The following LRRC17 variants were observed in gnomAD, a reference collection of about 807,000 sequenced individuals.
The protein encoded by LRRC17 is leucine rich repeat containing 17.
In LRRC17, 33 loss-of-function variants were observed where a neutral mutation model predicts 41.5. The ratio of observed to expected loss-of-function variants is 0.80; its 90% CI spans 0.60 to 1.06. The LOEUF (loss-of-function observed/expected upper bound fraction) is 1.06, where lower values mean the gene tolerates loss of function less well. Ranked by LOEUF, LRRC17 falls within the 50% of genes least tolerant of loss-of-function variation. The probability of loss-of-function intolerance (pLI) is 0.00; values close to 1 mark genes in which losing one functional copy is unlikely to be tolerated. For synonymous variants in LRRC17, 192 were observed against 197.0 expected, an observed-to-expected ratio of 0.97 and a Z score of 0.21; for missense variants, 491 against 519.3, an observed-to-expected ratio of 0.95 and a Z score of 0.53.
rs780492276 is a variant in LRRC17 at position 102,934,086 on chromosome 7, C to T, written c.173C>T (p.Thr58Ile). 49 of 1,614,202 alleles carry T rather than the reference C, an allele frequency of 3.0e-5. No individual in the cohort carries two copies. Among genetic ancestry groups the T allele is most frequent in the Non-Finnish European group, 3.8e-5 (45 of 1,180,012 alleles). Residue 58 changes from threonine to isoleucine, a missense_variant, in exon 2 of 4, where the codon ACA (threonine) becomes ATA (isoleucine). Coordinates refer to ENST00000339431, the MANE Select transcript of LRRC17 (RefSeq NM_001031692.3). ...CCAGGCCTCCCGTGTGACGTGTACA[C>T]ATATCTCCATGAGAAATACTTAGAT... ...YAPGLPCDVY[T>I]YLHEKYLDCQ...
At chr7:102,937,124 A>AC (rs1159214252) in intron 2 of LRRC17, among the ~76,000 whole-genome samples, 40 of 152,214 alleles carry the variant, frequency 2.6e-4, no homozygotes, top group African/African-American at 8.9e-4. Context: ...TAGTATATGT[A>AC]ACACTGGGTC....
In LRRC17 at chr7:102,944,715, A is replaced by C. The variant is rs1822149742; in HGVS notation, c.*108A>C. 12 of 924,336 alleles carry C rather than the reference A, an allele frequency of 1.3e-5. No individual in the cohort carries two copies. Among genetic ancestry groups the C allele is most frequent in the Non-Finnish European group, 1.9e-5 (12 of 632,258 alleles). 57.3% of individuals were successfully genotyped at this position (924,336 alleles called of 1,614,324 possible). On this transcript the variant is annotated 3_prime_UTR_variant, in exon 4 of 4. Coordinates refer to ENST00000339431, the MANE Select transcript of LRRC17 (RefSeq NM_001031692.3). ...GTTGCCTATTTATGCAGGGTAATCC[A>C]GCTAAAGGAAGCTTTCTTTAATTAT...
chr7:102,926,257 A>G (rs753805921), intron 1 of LRRC17: 2 of 1,607,918 alleles, frequency 1.2e-6, no homozygotes, highest in Non-Finnish European at 1.7e-6. Flanking sequence ...GTGTCATACA[A>G]ATAACACAAA....
At chr7:102,930,128 T>G (rs536824818) in intron 1 of LRRC17, among the ~76,000 whole-genome samples, 49 of 152,200 alleles carry the variant, frequency 3.2e-4, no homozygotes, top group African/African-American at 1.2e-3. Flanking sequence ...TGGTTCAGTA[T>G]TGAAATAGAG....
intron 1 of LRRC17, among the ~76,000 whole-genome samples, chr7:102,920,064 A>C (rs562078378): frequency 2.0e-5 from 3 of 152,328 alleles, no homozygotes; most frequent in African/African-American, 7.2e-5. Flanking sequence ...CAGGGGTGTC[A>C]AGTTCAAGGG....
At chr7:102,926,359 G>C (rs1485085886) in intron 1 of LRRC17, 1 of 1,613,440 alleles carries the variant, frequency 6.2e-7, no homozygotes, top group Non-Finnish European at 8.5e-7. Flanking sequence ...TCAGAAATGT[G>C]TCTCATTGAT....
intron 1 of LRRC17, among the ~76,000 whole-genome samples, chr7:102,920,838 A>T (rs1205836797): frequency 6.6e-6 from 1 of 152,222 alleles, no homozygotes. Flanking sequence ...AAGAAAACAA[A>T]GGTTAACTAT....
intron 1 of LRRC17, among the ~76,000 whole-genome samples, chr7:102,917,442 A>T (rs1458774469): frequency 6.6e-6 from 1 of 152,238 alleles, no homozygotes; most frequent in Non-Finnish European, 1.5e-5. Flanking sequence ...TGATCAATAC[A>T]TGGTGAACAA....
chr7:102,929,187 T>C (rs1319969334), intron 1 of LRRC17, among the ~76,000 whole-genome samples: 2 of 152,188 alleles, frequency 1.3e-5, no homozygotes, highest in Non-Finnish European at 2.9e-5. Flanking sequence ...ATGCCTTCCA[T>C]GTTTTGAAAA....
At chr7:102,939,629 T>C (rs749420694) in intron 3 of LRRC17, 44 bp downstream of exon 3, 1 of 1,541,018 alleles carries the variant, frequency 6.5e-7, no homozygotes, top group South Asian at 1.3e-5. Flanking sequence ...GCAAGTGTTC[T>C]GTGATTTTTT....
At chr7:102,926,196 C>CT in intron 1 of LRRC17, 1 of 1,240,448 alleles carries the variant, frequency 8.1e-7, no homozygotes. Flanking sequence ...GAGCACTGCC[C>CT]TTGCAGAATG....
At position 102,944,600 on chromosome 7, in the gene LRRC17, T is replaced by C; in HGVS notation, c.1319T>C (p.Val440Ala). Residue 440 changes from valine (V) to alanine (A), a missense_variant, in exon 4 of 4, where the codon GTA becomes GCA. Coordinates refer to ENST00000339431, the MANE Select transcript of LRRC17 (RefSeq NM_001031692.3). ...AKKQSVIITI[V>A]G ...AAGCAAAGCGTAATAATTACTATAGTAGGATAAGGTAGAAATTGTTCTGAT... is the reference window on the plus strand; with the variant it reads ...AAGCAAAGCGTAATAATTACTATAGCAGGATAAGGTAGAAATTGTTCTGAT... 1.9e-6 allele frequency: 3 copies of C among 1,592,794 alleles called. No individual in the cohort carries two copies. Among genetic ancestry groups the C allele is most frequent in the Non-Finnish European group, 2.6e-6 (3 of 1,172,852 alleles).
intron 1 of LRRC17, among the ~76,000 whole-genome samples, chr7:102,930,998 AG>A (rs1166875634): frequency 6.6e-6 from 1 of 152,202 alleles, no homozygotes; most frequent in Non-Finnish European, 1.5e-5. Context: ...TAGTGAAGGA[AG>A]CCAAAACCCT....
intron 3 of LRRC17, among the ~76,000 whole-genome samples, chr7:102,940,919 T>C (rs1821303665): frequency 1.3e-5 from 2 of 152,268 alleles, no homozygotes; most frequent in Non-Finnish European, 2.9e-5. Flanking sequence ...TGTAATGTTA[T>C]AAACATTTTG....
At chr7:102,927,135 C>G (rs1013185016) in intron 1 of LRRC17, among the ~76,000 whole-genome samples, 1 of 152,132 alleles carries the variant, frequency 6.6e-6, no homozygotes, top group Admixed American at 6.5e-5. Context: ...TTTACAAGAC[C>G]AGATGAATTG....
At chr7:102,920,632 C>G (rs190496867) in intron 1 of LRRC17, among the ~76,000 whole-genome samples, 49 of 152,194 alleles carry the variant, frequency 3.2e-4, no homozygotes, top group African/African-American at 1.1e-3. Flanking sequence ...TTACAGCAAG[C>G]CACCACGCAT....
At chr7:102,937,807 T>A (rs1312828586) in intron 2 of LRRC17, among the ~76,000 whole-genome samples, 2 of 152,166 alleles carry the variant, frequency 1.3e-5, no homozygotes, top group Non-Finnish European at 2.9e-5. Flanking sequence ...AAGTTAAAAA[T>A]CATGGCTAGA....
intron 1 of LRRC17, among the ~76,000 whole-genome samples, chr7:102,921,498 G>A (rs1164992426): frequency 6.6e-6 from 1 of 151,802 alleles, no homozygotes; most frequent in Non-Finnish European, 1.5e-5. Flanking sequence ...TGGCCAATGT[G>A]GTGAAACCCT....
At chr7:102,930,173 C>T (rs943238820) in intron 1 of LRRC17, among the ~76,000 whole-genome samples, 4 of 151,936 alleles carry the variant, frequency 2.6e-5, no homozygotes, top group African/African-American at 9.7e-5. Flanking sequence ...AAAGATGAGG[C>T]TGTAAAAATG....
Sources: allele counts gnomAD v4.1 joint callset (sites outside exome capture counted in the v4.1 genomes callset), GRCh38; gene constraint gnomAD v4.1.1; transcripts MANE v1.5; gene names NCBI Gene and HGNC (gene_info 2026-07-23, HGNC 2026-07-21).